Variants in SSH2 observed in about 807,000 individuals in gnomAD.
SSH2 encodes the protein protein phosphatase Slingshot homolog 2.
Under a neutral mutation model 135.2 loss-of-function variants are expected in SSH2, and 37 were observed. That is an observed-to-expected ratio of 0.27 (90% confidence interval 0.21 to 0.36). SSH2 has a LOEUF of 0.36. Ranked by LOEUF, SSH2 falls within the 10% of genes least tolerant of loss-of-function variation. The pLI is 1.00. For missense variants in SSH2, 1,408 were observed against 1,765.3 expected (o/e 0.80, Z 3.63); for synonymous variants, 628 against 646.2 (o/e 0.97, Z 0.43).
At chr17:29,693,310 T>C (rs1328401375) in intron 5 of SSH2, among the ~76,000 whole-genome samples, 1 of 151,674 alleles carries the variant, frequency 6.6e-6, no homozygotes, top group African/African-American at 2.4e-5. Context: ...ATAATAATAA[T>C]AACATTATTA....
At chr17:29,708,761 C>T (rs2039315598) in intron 3 of SSH2, among the ~76,000 whole-genome samples, 2 of 151,036 alleles carry the variant, frequency 1.3e-5, no homozygotes, top group Admixed American at 6.6e-5. Context: ...TAAATATAAC[C>T]CCGAAGGACT....
intron 3 of SSH2, chr17:29,775,665 CT>C (rs2041682648): frequency 6.6e-6 from 1 of 152,022 alleles, no homozygotes; most frequent in East Asian, 1.9e-4. Flanking sequence ...AAACTTGTTC[CT>C]TAGATTTAAC....
intron 2 of SSH2, among the ~76,000 whole-genome samples, chr17:29,844,151 C>G (rs566604375): frequency 6.6e-6 from 1 of 151,946 alleles, no homozygotes; most frequent in African/African-American, 2.4e-5. Context: ...TCTGATTGCA[C>G]AGAATATAAT....
chr17:29,847,994 T>A (rs143844072), intron 2 of SSH2, among the ~76,000 whole-genome samples: 77 of 152,296 alleles, frequency 5.1e-4, no homozygotes, highest in African/African-American at 1.7e-3. Context: ...TATCTATGAG[T>A]TAGTGCTGTT....
At chr17:29,707,500 A>G (rs2039253275) in intron 3 of SSH2, among the ~76,000 whole-genome samples, 1 of 152,090 alleles carries the variant, frequency 6.6e-6, no homozygotes, top group African/African-American at 2.4e-5. Context: ...GATGGAACAA[A>G]TTGTACAAGG....
At chr17:29,763,439 C>T (rs1196089428) in intron 3 of SSH2, among the ~76,000 whole-genome samples, 1 of 151,242 alleles carries the variant, frequency 6.6e-6, no homozygotes, top group Non-Finnish European at 1.5e-5. Context: ...ATCTGGCAAA[C>T]TTGCCAGTTT....
chr17:29,676,734 A>T (rs1234324324), intron 8 of SSH2, 86 bp downstream of exon 8: 6 of 1,114,774 alleles, frequency 5.4e-6, no homozygotes, highest in Middle Eastern at 2.0e-4. Flanking sequence ...TTTTCATAGC[A>T]AACTGTACCA....
chr17:29,626,513 G>A lies in SSH2; in HGVS notation c.*4328C>T, dbSNP rs1208986723. The A allele has an allele frequency of 2.0e-5, 3 of 152,578 alleles. No homozygotes were observed. The East Asian group carries it at 5.8e-4, about 29-fold the overall frequency. 9.5% of individuals were successfully genotyped at this position (152,578 alleles called of 1,614,324 possible). ...CAGCACCAGTCAAATGCCTCTTAAG[G>A]GATCTTCAAGGTGATTAAGGATGAT... On this transcript the variant is annotated 3_prime_UTR_variant, in exon 16 of 16. Coordinates refer to ENST00000540801, the MANE Select transcript of SSH2 (RefSeq NM_001282129.2).
At chr17:29,925,948 A>G (rs1017678195) in intron 1 of SSH2, among the ~76,000 whole-genome samples, 2 of 152,186 alleles carry the variant, frequency 1.3e-5, no homozygotes, top group Non-Finnish European at 2.9e-5. Flanking sequence ...AAAGAATCAA[A>G]AGAGACAGAG....
chr17:29,657,513 C>T (rs922227200), intron 11 of SSH2, among the ~76,000 whole-genome samples: 6 of 151,578 alleles, frequency 4.0e-5, no homozygotes, highest in Admixed American at 6.6e-5. Context: ...AGGTGATCCG[C>T]CTGCCTCGGC....
chr17:29,717,366 A>C (rs2039661117), intron 3 of SSH2, among the ~76,000 whole-genome samples: 1 of 152,166 alleles, frequency 6.6e-6, no homozygotes, highest in Admixed American at 6.5e-5. Flanking sequence ...GAACTTCTGG[A>C]CTCAAGCAAT....
rs767601613 is a variant in SSH2 at position 29,695,420 on chromosome 17, CT to C, written c.357+38del. ...TTCAATTTTGGCTATCTTAGATAGT[CT>C]TTTGAGGAAGAAAATTATGATGACA... On this transcript the variant is annotated intron_variant, in intron 5 of 15. Transcript: ENST00000540801. The C allele has an allele frequency of 2.5e-6, 4 of 1,576,228 alleles. No homozygotes were observed. The Admixed American group carries it at 6.9e-5, about 27-fold the overall frequency.
chr17:29,924,883 G>A (rs1199189368), intron 1 of SSH2, among the ~76,000 whole-genome samples: 2 of 152,162 alleles, frequency 1.3e-5, no homozygotes, highest in African/African-American at 4.8e-5. Context: ...AGGTAGTCAA[G>A]GTTGCAATAT....
intron 3 of SSH2, among the ~76,000 whole-genome samples, chr17:29,761,840 C>CGTGTGTGTGTGTGTGTGT (rs777352798): frequency 1.5e-5 from 2 of 133,914 alleles, no homozygotes; most frequent in Admixed American, 7.3e-5. Context: ...CACTCACATA[C>CGTGTGTGTGTGTGTGTGT]ATATGTGTGT....
chr17:29,779,809 T>TAAAAAAAA lies in SSH2; in HGVS notation c.188+14084_188+14085insTTTTTTTT, dbSNP rs1567969193. On this transcript the variant is annotated intron_variant, in intron 3 of 15. Coordinates refer to ENST00000540801, the MANE Select transcript of SSH2 (RefSeq NM_001282129.2). ...CTGGGCGACAGAGTGAGACTCTGTC[T>TAAAAAAAA]CAAAAAAAAAAAAAAAAAAAAAAAA... is the stretch of plus-strand genomic sequence containing the variant. Among the ~76,000 whole-genome samples the TAAAAAAAA allele has an allele frequency of 1.1e-3, 12 of 10,770 alleles. 1 individual carries two copies. Among genetic ancestry groups the TAAAAAAAA allele is most frequent in the African/African-American group, 4.0e-3 (11 of 2,726 alleles). 7.1% of individuals were successfully genotyped at this position (10,770 alleles called of 152,430 possible).
At chr17:29,760,360 A>G (rs2041251757) in intron 3 of SSH2, among the ~76,000 whole-genome samples, 1 of 152,210 alleles carries the variant, frequency 6.6e-6, no homozygotes, top group Non-Finnish European at 1.5e-5. Flanking sequence ...AACTGCTGCT[A>G]TCTAAGTAAC....
intron 2 of SSH2, among the ~76,000 whole-genome samples, chr17:29,802,634 AAAAAG>A (rs1338636955): frequency 2.3e-4 from 35 of 151,292 alleles, no homozygotes; most frequent in African/African-American, 8.2e-4. Context: ...AAAAAAAAAA[AAAAAG>A]AAAAGAAAAA....
At chr17:29,675,641 T>TA (rs1040102951) in intron 8 of SSH2, among the ~76,000 whole-genome samples, 13 of 149,246 alleles carry the variant, frequency 8.7e-5, no homozygotes, top group Non-Finnish European at 1.0e-4. Flanking sequence ...CAAAAAAAAT[T>TA]AAAAAAAAAA....
intron 2 of SSH2, 121 bp downstream of exon 2, chr17:29,848,728 C>T: frequency 3.3e-6 from 2 of 614,560 alleles, no homozygotes; most frequent in Non-Finnish European, 5.6e-6. Flanking sequence ...AGACATTTGG[C>T]TGAATGGGGT....
Sources: gnomAD v4.1 joint callset for allele counts (sites outside exome capture counted in the v4.1 genomes callset) on GRCh38, gnomAD v4.1.1 for gene constraint, MANE v1.5 for transcripts, NCBI Gene and HGNC (gene_info 2026-07-23, HGNC 2026-07-21) for gene names.